Variants in GNA12 observed in about 807,000 individuals in gnomAD.
GNA12 encodes G protein subunit alpha 12.
Under a neutral mutation model 26.0 loss-of-function variants are expected in GNA12, and 9 were observed. That is an observed-to-expected ratio of 0.35 (90% CI 0.21 to 0.60). The LOEUF (loss-of-function observed/expected upper bound fraction) is 0.60, where lower values mean the gene tolerates loss of function less well. GNA12 is among the 20% of genes least tolerant of loss of function. GNA12 has a pLI of 0.78. For synonymous variants in GNA12, 264 were observed against 219.6 expected, an observed-to-expected ratio of 1.20 and a Z score of -1.79; for missense variants, 405 against 525.8, an observed-to-expected ratio of 0.77 and a Z score of 2.25.
At chr7:2,772,836 A>G (rs1341854415) in intron 2 of GNA12, among the ~76,000 whole-genome samples, 1 of 152,266 alleles carries the variant, frequency 6.6e-6, no homozygotes, top group Non-Finnish European at 1.5e-5. Flanking sequence ...AGACCTGTCC[A>G]AGAATGTTCA....
chr7:2,747,756 G>C (rs1790837252), intron 2 of GNA12, among the ~76,000 whole-genome samples: 1 of 152,176 alleles, frequency 6.6e-6, no homozygotes, highest in Non-Finnish European at 1.5e-5. Context: ...CGACATGATT[G>C]TATATTATCT....
chr7:2,836,321 T>C (rs1778836879), intron 1 of GNA12, among the ~76,000 whole-genome samples: 1 of 152,198 alleles, frequency 6.6e-6, no homozygotes, highest in Non-Finnish European at 1.5e-5. Context: ...TCCTCCCAGG[T>C]CTGCCCCCTT....
chr7:2,802,090 C>G (rs1347116052), intron 1 of GNA12, among the ~76,000 whole-genome samples: 1 of 152,062 alleles, frequency 6.6e-6, no homozygotes, highest in Non-Finnish European at 1.5e-5. Context: ...AATCCTAAAA[C>G]TCACATACAC....
chr7:2,843,153 T>C (rs115206206), intron 1 of GNA12, among the ~76,000 whole-genome samples: 1,523 of 151,984 alleles, frequency 0.01, 17 homozygotes, highest in African/African-American at 0.035. Flanking sequence ...TCCCGTCCAG[T>C]CTCCACTGCT....
chr7:2,772,108 T>G (rs1241026008), intron 2 of GNA12, among the ~76,000 whole-genome samples: 2 of 152,264 alleles, frequency 1.3e-5, no homozygotes, highest in Admixed American at 6.5e-5. Flanking sequence ...TTAAAAAAAT[T>G]GTTTTCTTGA....
At chr7:2,831,642 A>G (rs541142606) in intron 1 of GNA12, among the ~76,000 whole-genome samples, 57 of 152,086 alleles carry the variant, frequency 3.7e-4, no homozygotes, top group Admixed American at 1.3e-3. Context: ...TGACCTCGTG[A>G]TCCGCCCGCC....
chr7:2,834,139 A>G (rs1778762114), intron 1 of GNA12, among the ~76,000 whole-genome samples: 1 of 152,240 alleles, frequency 6.6e-6, no homozygotes, highest in Non-Finnish European at 1.5e-5. Flanking sequence ...GTCCAAAGAA[A>G]GCCACCACAT....
At chr7:2,760,449 A>C (rs1212938018) in intron 2 of GNA12, 1 of 152,456 alleles carries the variant, frequency 6.6e-6, no homozygotes, top group African/African-American at 2.4e-5. Context: ...CGCTGTGGTA[A>C]GCACCTGAGA....
chr7:2,793,261 G>A (rs1439199451), intron 2 of GNA12, among the ~76,000 whole-genome samples: 2 of 149,458 alleles, frequency 1.3e-5, no homozygotes, highest in Non-Finnish European at 2.9e-5. Context: ...GGGATTCCAG[G>A]CCAGGATCCA....
chr7:2,789,591 CTG>C (rs1325623924), intron 2 of GNA12, among the ~76,000 whole-genome samples: 1 of 152,226 alleles, frequency 6.6e-6, no homozygotes, highest in Non-Finnish European at 1.5e-5. Flanking sequence ...GCTGTGACCT[CTG>C]AGACCTGCCT....
intron 2 of GNA12, among the ~76,000 whole-genome samples, chr7:2,755,304 G>C (rs1371358419): frequency 2.0e-5 from 3 of 152,170 alleles, no homozygotes; most frequent in African/African-American, 7.2e-5. Context: ...ATCTTGCTGC[G>C]ATTTTCACAG....
chr7:2,786,802 C>A (rs1374780678), intron 2 of GNA12, among the ~76,000 whole-genome samples: 1 of 152,194 alleles, frequency 6.6e-6, no homozygotes, highest in Non-Finnish European at 1.5e-5. Context: ...CTGCCCCATT[C>A]AAGATGGCGA....
chr7:2,787,557 C>T (rs187982042), intron 2 of GNA12, among the ~76,000 whole-genome samples: 34 of 152,338 alleles, frequency 2.2e-4, no homozygotes, highest in African/African-American at 8.2e-4. Flanking sequence ...CAGGCACCCA[C>T]CATCTTCTGA....
rs111403854 is a variant in GNA12 at position 2,828,396 on chromosome 7, C to T, written c.309+15457G>A. The stretch of plus-strand genomic sequence containing the variant: ...ACAGGGTCTCACTCTGTCAACAGCC[C>T]GGGCTGGAGTGAAGTGGCACGATCC... On this transcript the variant is annotated intron_variant, in intron 1 of 3. Transcript: ENST00000275364. Among the ~76,000 whole-genome samples the T allele has an allele frequency of 5.0e-3, 756 of 152,290 alleles. 5 individuals are homozygous for T. The highest frequency in any genetic ancestry group is 0.017 in the African/African-American group (700 of 41,548).
chr7:2,746,369 C>A (rs1353817942), intron 2 of GNA12, among the ~76,000 whole-genome samples: 1 of 151,688 alleles, frequency 6.6e-6, no homozygotes, highest in African/African-American at 2.4e-5. Flanking sequence ...ATTAAGAAAT[C>A]AAAACCGCTC....
intron 1 of GNA12, among the ~76,000 whole-genome samples, chr7:2,806,912 A>C (rs1013424568): frequency 2.0e-5 from 3 of 152,238 alleles, no homozygotes; most frequent in African/African-American, 7.2e-5. Flanking sequence ...CTAGATGTTG[A>C]ATTATAAAAC....
At chr7:2,745,638 CATA>C (rs1295897450) in intron 2 of GNA12, among the ~76,000 whole-genome samples, 1 of 152,166 alleles carries the variant, frequency 6.6e-6, no homozygotes, top group Non-Finnish European at 1.5e-5. Flanking sequence ...CAGCTGACAT[CATA>C]ATGACAGGAT....
At chr7:2,786,836 T>C (rs1010328220) in intron 2 of GNA12, among the ~76,000 whole-genome samples, 1 of 152,286 alleles carries the variant, frequency 6.6e-6, no homozygotes, top group South Asian at 2.1e-4. Flanking sequence ...CAACCCACCA[T>C]GCCCATCTCG....
intron 2 of GNA12, chr7:2,762,898 G>T: frequency 7.0e-7 from 1 of 1,425,054 alleles, no homozygotes; most frequent in Non-Finnish European, 9.2e-7. Context: ...TTGGTGCTGC[G>T]GCGGGGAGAA....
Sources: gnomAD v4.1 joint callset for allele counts (sites outside exome capture counted in the v4.1 genomes callset) on GRCh38, gnomAD v4.1.1 for gene constraint, MANE v1.5 for transcripts, NCBI Gene and HGNC (gene_info 2026-07-23, HGNC 2026-07-21) for gene names.